FGGY: variants seen among roughly 807,000 people sequenced by gnomAD.
The protein encoded by FGGY is FGGY carbohydrate kinase domain containing.
In FGGY, 72 loss-of-function variants were observed where a neutral mutation model predicts 71.3. The observed-to-expected ratio is 1.01, with a 90% CI of 0.84 to 1.23. The LOEUF (loss-of-function observed/expected upper bound fraction) is 1.23. Among genes scored for constraint, FGGY ranks in the 50% most tolerant of loss-of-function variants. The pLI is 0.00. For synonymous variants in FGGY, 251 were observed against 250.3 expected (o/e 1.00, Z -0.02); for missense variants, 668 against 682.3 (o/e 0.98, Z 0.23).
intron 5 of FGGY, among the ~76,000 whole-genome samples, chr1:59,452,752 C>T (rs2091312109): frequency 6.6e-6 from 1 of 152,190 alleles, no homozygotes; most frequent in African/African-American, 2.4e-5. Flanking sequence ...AGCAAGTGGC[C>T]CCTTCTTTCT....
chr1:59,723,750 A>C (rs1173709028), intron 14 of FGGY, among the ~76,000 whole-genome samples: 1 of 152,186 alleles, frequency 6.6e-6, no homozygotes, highest in Admixed American at 6.5e-5. Flanking sequence ...CTGAATTTTT[A>C]AAATTTACGT....
At chr1:59,758,058 A>G (rs1574089770) in intron 15 of FGGY, 66 bp downstream of exon 15, 26 of 1,130,970 alleles carry the variant, frequency 2.3e-5, no homozygotes, top group Non-Finnish European at 3.4e-5. Context: ...ACATGCAACT[A>G]TAGATCTGGA....
chr1:59,550,566 G>A (rs954498592), intron 7 of FGGY, among the ~76,000 whole-genome samples: 3 of 152,114 alleles, frequency 2.0e-5, no homozygotes, highest in South Asian at 2.1e-4. Flanking sequence ...TTGTATTTTA[G>A]GAGAAGCACT....
chr1:59,555,539 CTGT>C lies in FGGY; in HGVS notation c.903+1320_903+1322del, dbSNP rs141616901. On this transcript the variant is annotated intron_variant, in intron 8 of 15. Coordinates refer to ENST00000303721, the MANE Select transcript of FGGY (RefSeq NM_018291.5). Reference sequence around the variant, plus strand: ...AAGGGCTCACTCTTAATCACTAGGACTGTTGTTGTTACTGAGCAGAAAGCAAAC... The same window carrying C: ...AAGGGCTCACTCTTAATCACTAGGACTGTTGTTACTGAGCAGAAAGCAAAC... 2.1e-4 allele frequency among the ~76,000 whole-genome samples: 32 copies of C among 152,340 alleles called. No homozygotes were observed. The East Asian group carries it at 3.3e-3, about 16-fold the overall frequency.
intron 5 of FGGY, among the ~76,000 whole-genome samples, chr1:59,428,268 A>T (rs1331166446): frequency 6.9e-6 from 1 of 145,310 alleles, no homozygotes; most frequent in Non-Finnish European, 1.5e-5. Flanking sequence ...AGAGTTTACC[A>T]TATGTATATT....
At chr1:59,420,841 C>CA (rs780068319) in intron 5 of FGGY, among the ~76,000 whole-genome samples, 1 of 151,268 alleles carries the variant, frequency 6.6e-6, no homozygotes, top group African/African-American at 2.4e-5. Flanking sequence ...CCAGTAATCA[C>CA]AAAGAGGCTC....
intron 12 of FGGY, among the ~76,000 whole-genome samples, chr1:59,662,785 A>G (rs1005659750): frequency 6.6e-6 from 1 of 152,212 alleles, no homozygotes; most frequent in Non-Finnish European, 1.5e-5. Flanking sequence ...AGTAGGCTAT[A>G]CCATCTAGGT....
intron 7 of FGGY, among the ~76,000 whole-genome samples, chr1:59,535,026 C>G (rs1322964115): frequency 2.0e-5 from 3 of 151,900 alleles, no homozygotes; most frequent in Non-Finnish European, 4.4e-5. Context: ...AATTAAAAGA[C>G]ACAGACTGGC....
chr1:59,465,234 C>A (rs1173814918), intron 6 of FGGY, among the ~76,000 whole-genome samples: 1 of 152,204 alleles, frequency 6.6e-6, no homozygotes, highest in African/African-American at 2.4e-5. Context: ...CATAATCCAT[C>A]ACATAAACAG....
intron 6 of FGGY, among the ~76,000 whole-genome samples, chr1:59,488,143 A>C (rs1394643066): frequency 1.3e-5 from 2 of 152,168 alleles, no homozygotes; most frequent in Non-Finnish European, 2.9e-5. Flanking sequence ...TAATTTTAAT[A>C]ATGCCATAAT....
rs186850028 is a variant in FGGY, at chr1:59,547,013, C to T, written c.800-7111C>T. ...TGTGGCCCAGGCTTGAATGCAGTGGCGCGATCTCGATTCACTGCATCCTCC... is the reference window on the plus strand; with the variant it reads ...TGTGGCCCAGGCTTGAATGCAGTGGTGCGATCTCGATTCACTGCATCCTCC... On this transcript the variant is annotated intron_variant, in intron 7 of 15. Transcript: ENST00000303721. Among the ~76,000 whole-genome samples the T allele has an allele frequency of 6.3e-3, 865 of 137,980 alleles. 10 individuals are homozygous for T. The highest frequency in any genetic ancestry group is 0.023 in the African/African-American group (828 of 36,408). The allele number at this position is 137,980 out of a possible 152,430, so 90.5% of individuals were successfully genotyped here.
At chr1:59,584,388 C>G (rs886387709) in intron 8 of FGGY, among the ~76,000 whole-genome samples, 2 of 149,934 alleles carry the variant, frequency 1.3e-5, no homozygotes, top group Non-Finnish European at 2.9e-5. Flanking sequence ...TAAACATAAT[C>G]CAGCATATAA....
chr1:59,413,771 G>A (rs1401022307), intron 5 of FGGY, among the ~76,000 whole-genome samples: 1 of 152,122 alleles, frequency 6.6e-6, no homozygotes, highest in African/African-American at 2.4e-5. Context: ...GAGCAGCCTG[G>A]GCAACATGGC....
chr1:59,498,197 C>G (rs568434600), intron 6 of FGGY, among the ~76,000 whole-genome samples: 1 of 144,490 alleles, frequency 6.9e-6, no homozygotes, highest in African/African-American at 2.6e-5. Flanking sequence ...ATTCAACTTT[C>G]ACAACCCTAA....
chr1:59,369,633 C>G (rs537394797), intron 4 of FGGY, among the ~76,000 whole-genome samples: 2 of 152,296 alleles, frequency 1.3e-5, no homozygotes, highest in East Asian at 3.9e-4. Context: ...TGACCCCTGA[C>G]CCCCGAGCAG....
chr1:59,427,553 C>G (rs1279297936), intron 5 of FGGY, among the ~76,000 whole-genome samples: 2 of 152,136 alleles, frequency 1.3e-5, no homozygotes, highest in Non-Finnish European at 2.9e-5. Flanking sequence ...CTCCTGAGAA[C>G]CAGAGTTCTC....
At chr1:59,747,401 A>G (rs903408166) in intron 14 of FGGY, among the ~76,000 whole-genome samples, 2 of 152,198 alleles carry the variant, frequency 1.3e-5, no homozygotes, top group Non-Finnish European at 2.9e-5. Context: ...GTATTTGCCC[A>G]TGACTGAATC....
chr1:59,580,508 C>A (rs2096173418), intron 8 of FGGY, among the ~76,000 whole-genome samples: 4 of 152,116 alleles, frequency 2.6e-5, no homozygotes, highest in Admixed American at 2.6e-4. Flanking sequence ...TCCTCTTTCC[C>A]CAGAACTCAA....
chr1:59,470,522 G>A (rs1558037541), intron 6 of FGGY, among the ~76,000 whole-genome samples: 1 of 152,116 alleles, frequency 6.6e-6, no homozygotes, highest in African/African-American at 2.4e-5. Flanking sequence ...TCAGTCTCAG[G>A]GATCCAGCTA....
Sources: allele counts gnomAD v4.1 joint callset (sites outside exome capture counted in the v4.1 genomes callset), GRCh38; gene constraint gnomAD v4.1.1; transcripts MANE v1.5; gene names NCBI Gene and HGNC (gene_info 2026-07-23, HGNC 2026-07-21).